The following MBTPS1 variants were observed in gnomAD, a reference collection of about 807,000 sequenced individuals.
MBTPS1 encodes membrane bound transcription factor peptidase, site 1.
MBTPS1 carries 94 observed loss-of-function variants against 127.8 expected under a neutral mutation model. That is an observed-to-expected ratio of 0.74 (90% confidence interval 0.62 to 0.87). MBTPS1 has a LOEUF of 0.87. MBTPS1 is among the 40% of genes least tolerant of loss of function. The pLI, the probability that MBTPS1 is intolerant of heterozygous loss-of-function variation, is 0.00. For missense variants in MBTPS1, 1,636 were observed against 1,353.2 expected (o/e 1.21, Z -3.28); for synonymous variants, 632 against 509.4 (o/e 1.24, Z -3.24).
chr16:84,057,202 G>C (rs2085535277), intron 21 of MBTPS1: 1 of 152,204 alleles, frequency 6.6e-6, no homozygotes, highest in Non-Finnish European at 1.5e-5. Flanking sequence ...ATGCCAATGA[G>C]CACTCATTAT....
Position 84,114,060 on chromosome 16 carries a change from G to A in MBTPS1, c.-325+2675C>T, listed in dbSNP as rs533212501. 4.6e-5 allele frequency among the ~76,000 whole-genome samples: 7 copies of A among 151,858 alleles called. 1 individual carries two copies. The East Asian group carries it at 1.4e-3, about 29-fold the overall frequency. ...GCTCACTGCAACCTCTGCCTCCGGG[G>A]TTCAAGCGATTCTCCTGCCTCAGCC... On this transcript the variant is annotated intron_variant, in intron 1 of 22. Coordinates refer to ENST00000343411, the MANE Select transcript of MBTPS1 (RefSeq NM_003791.4).
At chr16:84,055,699 A>G (rs964048268) in intron 22 of MBTPS1, among the ~76,000 whole-genome samples, 12 of 152,256 alleles carry the variant, frequency 7.9e-5, no homozygotes, top group African/African-American at 2.9e-4. Flanking sequence ...GGCTGGCAGA[A>G]CTTTCATAAA....
chr16:84,093,648 T>A (rs1461856596), intron 5 of MBTPS1, 63 bp downstream of exon 5: 1 of 1,103,762 alleles, frequency 9.1e-7, no homozygotes, highest in Non-Finnish European at 1.4e-6. Flanking sequence ...GACTGTGGAA[T>A]CATGCACTAA....
Position 84,115,973 on chromosome 16 carries a change from C to G in MBTPS1, c.-325+762G>C, listed in dbSNP as rs1038597332. ...AAAAAAAAAATGAGAGGAATTACTT[C>G]TCTTCTGCAAGCCCTCCTTTTCGTA... is the stretch of plus-strand genomic sequence containing the variant. On this transcript the variant is annotated intron_variant, in intron 1 of 22. Coordinates refer to ENST00000343411, the MANE Select transcript of MBTPS1 (RefSeq NM_003791.4). Among the ~76,000 whole-genome samples the G allele has an allele frequency of 4.0e-5, 6 of 151,804 alleles. No individual in the cohort carries two copies. In the East Asian group the frequency reaches 1.2e-3, roughly 29 times the overall value.
At chr16:84,114,738 G>C (rs1200857074) in intron 1 of MBTPS1, among the ~76,000 whole-genome samples, 1 of 150,720 alleles carries the variant, frequency 6.6e-6, no homozygotes, top group Non-Finnish European at 1.5e-5. Flanking sequence ...GCTGAGGCAG[G>C]AGAATCGCTT....
chr16:84,067,663 G>A lies in MBTPS1; in HGVS notation c.2228+4C>T, dbSNP rs1441240910. 3.1e-6 allele frequency: 5 copies of A among 1,608,792 alleles called. No homozygotes were observed. In the Admixed American group the frequency reaches 5.0e-5, roughly 16 times the overall value. On this transcript the variant is annotated splice_donor_region_variant and intron_variant, in intron 16 of 22. Coordinates refer to ENST00000343411, the MANE Select transcript of MBTPS1 (RefSeq NM_003791.4). ...ATCCAAATACCAATGCGTATCAACA[G>A]TACCTTGTGTTTTCATCATAAAACT...
In MBTPS1 at chr16:84,102,515, G is replaced by A. The variant is rs533394708; in HGVS notation, c.-324-408C>T. Among the ~76,000 whole-genome samples the A allele has an allele frequency of 8.6e-5, 13 of 152,036 alleles. No individual in the cohort carries two copies. The South Asian group carries it at 2.7e-3, about 32-fold the overall frequency. ...AATGAGAAAAATGGAAAAAAGTAAG[G>A]ACAACAAAATAACACCAAAAATATT... On this transcript the variant is annotated intron_variant, in intron 1 of 22. Coordinates refer to ENST00000343411, the MANE Select transcript of MBTPS1 (RefSeq NM_003791.4).
At chr16:84,089,190 T>C (rs1183571321) in intron 8 of MBTPS1, among the ~76,000 whole-genome samples, 1 of 152,212 alleles carries the variant, frequency 6.6e-6, no homozygotes, top group African/African-American at 2.4e-5. Context: ...AAGGTGTACA[T>C]GGGGAAGTGG....
chr16:84,089,420 A>T (rs2086073609), intron 8 of MBTPS1, among the ~76,000 whole-genome samples: 1 of 152,266 alleles, frequency 6.6e-6, no homozygotes, highest in Admixed American at 6.5e-5. Flanking sequence ...AATACTGAAG[A>T]CCTTGAAAAA....
intron 1 of MBTPS1, among the ~76,000 whole-genome samples, chr16:84,106,164 A>G (rs1454132388): frequency 6.6e-6 from 1 of 152,098 alleles, no homozygotes; most frequent in Non-Finnish European, 1.5e-5. Flanking sequence ...GCGTGGCGAC[A>G]GGCGCCTGTA....
At chr16:84,098,842 T>C (rs973078188) in intron 3 of MBTPS1, among the ~76,000 whole-genome samples, 1 of 151,858 alleles carries the variant, frequency 6.6e-6, no homozygotes, top group African/African-American at 2.4e-5. Flanking sequence ...CAGTACGAAG[T>C]CTCTTTTTAA....
At chr16:84,070,524 G>T in intron 13 of MBTPS1, 64 bp downstream of exon 13, 1 of 1,545,090 alleles carries the variant, frequency 6.5e-7, no homozygotes, top group Non-Finnish European at 8.9e-7. Context: ...CATTTGGCCT[G>T]TCCCTCCCTG....
chr16:84,116,370 G>A (rs997818914), intron 1 of MBTPS1, among the ~76,000 whole-genome samples: 1 of 152,318 alleles, frequency 6.6e-6, no homozygotes, highest in Admixed American at 6.5e-5. Flanking sequence ...CCGAGATAAG[G>A]CAAAGAATCG....
chr16:84,106,687 C>A (rs576803080), intron 1 of MBTPS1, among the ~76,000 whole-genome samples: 1 of 152,176 alleles, frequency 6.6e-6, no homozygotes, highest in Admixed American at 6.5e-5. Context: ...GTCCTGAGCA[C>A]GTGTGGCTTG....
At chr16:84,101,391 T>C (rs1474946295) in intron 2 of MBTPS1, among the ~76,000 whole-genome samples, 1 of 151,656 alleles carries the variant, frequency 6.6e-6, no homozygotes, top group Non-Finnish European at 1.5e-5. Flanking sequence ...CTTGGGAGGC[T>C]GAGGCATGAG....
chr16:84,090,950 A>C lies in MBTPS1; in HGVS notation c.964-8T>G. ...AGCTGTTAATTCCCACACCTACAAA[A>C]GGAGCATTTATTTAATGAAAGTATC... On this transcript the variant is annotated splice_region_variant and splice_polypyrimidine_tract_variant and intron_variant, in intron 7 of 22. Coordinates refer to ENST00000343411, the MANE Select transcript of MBTPS1 (RefSeq NM_003791.4). The C allele has an allele frequency of 1.3e-6, 2 of 1,598,662 alleles. No individual in the cohort carries two copies. The highest frequency in any genetic ancestry group is 2.2e-5 in the South Asian group (2 of 90,076).
At chr16:84,090,753 T>C in intron 8 of MBTPS1, 122 bp downstream of exon 8, 7 of 741,000 alleles carry the variant, frequency 9.4e-6, no homozygotes, top group Non-Finnish European at 1.6e-5. Flanking sequence ...GAAAACATCC[T>C]TAAGACAAGT....
At chr16:84,085,828 T>C (rs988471072) in intron 9 of MBTPS1, among the ~76,000 whole-genome samples, 11 of 151,938 alleles carry the variant, frequency 7.2e-5, no homozygotes, top group Non-Finnish European at 1.3e-4. Flanking sequence ...ATTAGAAATA[T>C]GTTAGAAAAA....
chr16:84,087,983 C>A (rs1410169573), intron 8 of MBTPS1, among the ~76,000 whole-genome samples: 1 of 152,134 alleles, frequency 6.6e-6, no homozygotes, highest in Non-Finnish European at 1.5e-5. Context: ...TGGTGTTCTA[C>A]CCTCCTCATA....
Sources: allele counts gnomAD v4.1 joint callset (sites outside exome capture counted in the v4.1 genomes callset), GRCh38; gene constraint gnomAD v4.1.1; transcripts MANE v1.5; gene names NCBI Gene and HGNC (gene_info 2026-07-23, HGNC 2026-07-21).